Variants in TUBA4B observed in about 807,000 individuals in gnomAD.
The protein encoded by TUBA4B is tubulin alpha 4b.
A neutral mutation model predicts 18.4 loss-of-function variants in TUBA4B; 13 were observed. That is an observed-to-expected ratio of 0.71 (90% CI 0.46 to 1.12). The LOEUF is 1.12. TUBA4B is among the 50% of genes most tolerant of loss of function. The pLI is 0.00. For synonymous variants in TUBA4B, 101 were observed against 99.1 expected (o/e 1.02, Z -0.11); for missense variants, 244 against 250.0 (o/e 0.98, Z 0.16).
intron 1 of TUBA4B, among the ~76,000 whole-genome samples, chr2:219,265,039 G>A (rs1331405867): frequency 6.6e-6 from 1 of 152,176 alleles, no homozygotes; most frequent in Admixed American, 6.5e-5. Flanking sequence ...GCTAGTGGGA[G>A]GCAAGACAGT....
At chr2:219,264,597 C>T (rs1951778881) in intron 1 of TUBA4B, among the ~76,000 whole-genome samples, 1 of 152,082 alleles carries the variant, frequency 6.6e-6, no homozygotes, top group Admixed American at 6.6e-5. Flanking sequence ...TCGCCACAGT[C>T]GATCTGATAA....
At chr2:219,262,345 A>G (rs1951764919) in intron 1 of TUBA4B, among the ~76,000 whole-genome samples, 1 of 152,178 alleles carries the variant, frequency 6.6e-6, no homozygotes, top group South Asian at 2.1e-4. Flanking sequence ...AACAAAACAA[A>G]ACAAATATCA....
rs775361201 is a variant in TUBA4B, at chr2:219,271,526, G to A, written c.553G>A (p.Gly185Arg). ...SSITASLRFD[G>R]ALNVDLTEFQ... ...CATCACAGCTTCTCTGCGCTTTGAC[G>A]GGGCCCTCAATGTGGACCTGACAGA... The change falls in exon 4 of 4, where the codon GGG becomes AGG. Residue 185 changes from glycine (G) to arginine (R), a missense_variant. By Grantham distance (125) the Gly-to-Arg change is moderately radical. Coordinates refer to ENST00000490341, the MANE Select transcript of TUBA4B (RefSeq NM_001355221.1). 24 of 1,613,984 alleles carry A rather than the reference G, an allele frequency of 1.5e-5. No individual in the cohort carries two copies. The highest frequency in any genetic ancestry group is 3.3e-5 in the South Asian group (3 of 91,084).
At chr2:219,256,505 AC>A (rs759082831) in intron 1 of TUBA4B, among the ~76,000 whole-genome samples, 23 of 152,218 alleles carry the variant, frequency 1.5e-4, no homozygotes, top group Admixed American at 1.5e-3. Context: ...GAAGAATGCT[AC>A]CCCATAAAGA....
chr2:219,254,767 T>A (rs1411832572), intron 1 of TUBA4B, among the ~76,000 whole-genome samples: 1 of 152,218 alleles, frequency 6.6e-6, no homozygotes, highest in Non-Finnish European at 1.5e-5. Context: ...GTCCTTGACA[T>A]TTTCGTGGGT....
intron 1 of TUBA4B, chr2:219,254,382 C>T (rs1401765983): frequency 6.5e-6 from 1 of 152,740 alleles, no homozygotes; most frequent in Non-Finnish European, 1.5e-5. Flanking sequence ...GGCGCGTCCC[C>T]GGGGAGCCCT....
intron 1 of TUBA4B, 44 bp from the exon 2 acceptor site, chr2:219,266,477 G>T (rs890446984): frequency 1.0e-5 from 7 of 689,884 alleles, no homozygotes; most frequent in East Asian, 5.4e-5. Flanking sequence ...CTGGCTGGCC[G>T]CTGCAGGCCT....
chr2:219,261,587 G>A (rs1472289683), intron 1 of TUBA4B, among the ~76,000 whole-genome samples: 1 of 152,178 alleles, frequency 6.6e-6, no homozygotes, highest in Non-Finnish European at 1.5e-5. Context: ...CTGTTGAGAA[G>A]CTCTGCCACC....
At position 219,253,360 on chromosome 2, in the gene TUBA4B, G is replaced by A. The variant is rs777534114; in HGVS notation, c.-48G>A. The A allele has an allele frequency of 4.6e-6, 7 of 1,533,728 alleles. No homozygotes were observed. The East Asian group carries it at 9.8e-5, about 21-fold the overall frequency. Reference sequence around the variant, plus strand: ...GACGCGGGGTGCTGAGTCACGGGGGGGGGGTGGTTCTGTGGATAGTTGGAA... The same window carrying A: ...GACGCGGGGTGCTGAGTCACGGGGGAGGGGTGGTTCTGTGGATAGTTGGAA... On this transcript the variant is annotated 5_prime_UTR_variant, in exon 1 of 4. Coordinates refer to ENST00000490341, the MANE Select transcript of TUBA4B (RefSeq NM_001355221.1).
intron 2 of TUBA4B, among the ~76,000 whole-genome samples, chr2:219,269,120 T>A (rs1951809443): frequency 1.3e-5 from 2 of 152,124 alleles, no homozygotes; most frequent in South Asian, 4.2e-4. Flanking sequence ...AAAAGAATAA[T>A]GTGATGAACA....
In TUBA4B at chr2:219,253,358, G is replaced by GGC. The variant is rs912024919; in HGVS notation, c.-49_-48insCG. On this transcript the variant is annotated 5_prime_UTR_variant, in exon 1 of 4. Transcript: ENST00000490341. ...CAGACGCGGGGTGCTGAGTCACGGG[G>GGC]GGGGGGTGGTTCTGTGGATAGTTGG... The GGC allele has an allele frequency of 1.2e-4, 190 of 1,528,146 alleles. No individual in the cohort carries two copies. In the African/African-American group the frequency reaches 2.3e-3, roughly 19 times the overall value. The allele number at this position is 1,528,146 out of a possible 1,614,324, so 94.7% of individuals were successfully genotyped here. A position where few individuals can be genotyped will look rare whatever the true frequency, so the allele number is the denominator to read the frequency against.
At chr2:219,269,759 GA>G (rs201144576) in intron 2 of TUBA4B, among the ~76,000 whole-genome samples, 2 of 145,392 alleles carry the variant, frequency 1.4e-5, no homozygotes, top group East Asian at 4.1e-4. Flanking sequence ...AGGGGAGGGG[GA>G]TGACTCCTTC....
chr2:219,271,681 C>T lies in TUBA4B; in HGVS notation c.708C>T (p.Ser236=), dbSNP rs1169255033. The part of the protein sequence containing the change: ...WWQRLPMPAL[S]LPTRW ...AGAGATTACCAATGCCTGCTTTGAG[C>T]CTGCCAACCAGATGGTGAAGTGTGA... The change falls in exon 4 of 4, where the codon AGC becomes AGT. Residue 236 remains serine (S), a synonymous_variant. Transcript: ENST00000490341. 1.9e-6 allele frequency: 3 copies of T among 1,613,404 alleles called. No individual in the cohort carries two copies. Among genetic ancestry groups the T allele is most frequent in the African/African-American group, 1.3e-5 (1 of 75,038 alleles).
At chr2:219,266,442 C>T in intron 1 of TUBA4B, 79 bp from the exon 2 acceptor site, 1 of 658,854 alleles carries the variant, frequency 1.5e-6, no homozygotes. Flanking sequence ...CTGCTGAGAG[C>T]CACCCAGCGA....
At chr2:219,270,040 C>T (rs540076601) in intron 2 of TUBA4B, among the ~76,000 whole-genome samples, 162 bp from the exon 3 acceptor site, 1 of 152,122 alleles carries the variant, frequency 6.6e-6, no homozygotes, top group Non-Finnish European at 1.5e-5. Flanking sequence ...AAAACACATC[C>T]AAGCAGCACA....
chr2:219,254,172 C>T, intron 1 of TUBA4B: 2 of 309,254 alleles, frequency 6.5e-6, no homozygotes, highest in Non-Finnish European at 1.2e-5. Flanking sequence ...GCTGGGCTCC[C>T]GAGGGCCTCC....
intron 1 of TUBA4B, among the ~76,000 whole-genome samples, chr2:219,255,429 C>T (rs1300089194): frequency 2.0e-5 from 3 of 152,110 alleles, no homozygotes; most frequent in Non-Finnish European, 4.4e-5. Flanking sequence ...GACGGGGTTT[C>T]ACCATGTTGG....
At chr2:219,259,397 G>A (rs1449689261) in intron 1 of TUBA4B, among the ~76,000 whole-genome samples, 2 of 144,548 alleles carry the variant, frequency 1.4e-5, no homozygotes, top group Non-Finnish European at 2.9e-5. Flanking sequence ...GTGTGTGTGT[G>A]TGTTTGTGTG....
rs2125078756 is a variant in TUBA4B, at chr2:219,272,155, T to C, written c.*456T>C. 1 of 616,024 alleles carries C rather than the reference T, an allele frequency of 1.6e-6. No individual in the cohort carries two copies. The highest frequency in any genetic ancestry group is 3.9e-5 in the East Asian group (1 of 25,508). 38.2% of individuals were successfully genotyped at this position (616,024 alleles called of 1,614,324 possible). A position where few individuals can be genotyped will look rare whatever the true frequency, so the allele number is the denominator to read the frequency against. The stretch of plus-strand genomic sequence containing the variant: ...GGGGGGATGAATACTAGGGGAATAC[T>C]GTGTGTCTGTCCTACATAAAGTGCT... On this transcript the variant is annotated 3_prime_UTR_variant, in exon 4 of 4. Transcript: ENST00000490341.
Sources: gnomAD v4.1 joint callset for allele counts (sites outside exome capture counted in the v4.1 genomes callset) on GRCh38, gnomAD v4.1.1 for gene constraint, MANE v1.5 for transcripts, NCBI Gene and HGNC (gene_info 2026-07-23, HGNC 2026-07-21) for gene names.